The following EPB41L4A variants were observed in gnomAD, a reference collection of about 807,000 sequenced individuals.
The protein encoded by EPB41L4A is band 4.1-like protein 4A.
EPB41L4A carries 100 observed loss-of-function variants against 108.6 expected under a neutral mutation model. That is an observed-to-expected ratio of 0.92 (90% CI 0.78 to 1.09). The LOEUF (loss-of-function observed/expected upper bound fraction) is 1.09. Ranked by LOEUF, EPB41L4A falls within the 50% of genes least tolerant of loss-of-function variation. The pLI, the probability that EPB41L4A is intolerant of heterozygous loss-of-function variation, is 0.00. For missense variants in EPB41L4A, 1,030 were observed against 842.7 expected, an observed-to-expected ratio of 1.22 and a Z score of -2.75; for synonymous variants, 319 against 289.0, an observed-to-expected ratio of 1.10 and a Z score of -1.05.
At chr5:112,206,749 A>G (rs1333782131) in intron 13 of EPB41L4A, among the ~76,000 whole-genome samples, 2 of 152,218 alleles carry the variant, frequency 1.3e-5, no homozygotes, top group South Asian at 2.1e-4. Context: ...TTCACACCCT[A>G]AGGTATTTCT....
Position 112,311,821 on chromosome 5 carries a change from G to C in EPB41L4A, c.100-4331C>G, listed in dbSNP as rs576114493. ...TATTTCTGGAATGCTGGCATATGAA[G>C]ATAGTCTTCCATTTTGATCTAATCT... On this transcript the variant is annotated intron_variant, in intron 1 of 22. Transcript: ENST00000261486. Among the ~76,000 whole-genome samples the C allele has an allele frequency of 1.5e-3, 223 of 152,278 alleles. 3 individuals are homozygous for C. The highest frequency in any genetic ancestry group is 5.3e-3 in the African/African-American group (219 of 41,560).
At chr5:112,234,519 T>A in intron 12 of EPB41L4A, 115 bp downstream of exon 12, 1 of 962,814 alleles carries the variant, frequency 1.0e-6, no homozygotes, top group Non-Finnish European at 1.4e-6. Flanking sequence ...AATTTTAATA[T>A]TGGAAATTTC....
intron 12 of EPB41L4A, among the ~76,000 whole-genome samples, chr5:112,146,917 T>G (rs1481985582): frequency 6.6e-6 from 1 of 152,208 alleles, no homozygotes; most frequent in African/African-American, 2.4e-5. Context: ...GAGACTTTTA[T>G]TTAAAGAAAA....
intron 2 of EPB41L4A, among the ~76,000 whole-genome samples, chr5:112,295,263 T>C (rs1003368057): frequency 6.6e-6 from 1 of 152,204 alleles, no homozygotes; most frequent in Non-Finnish European, 1.5e-5. Context: ...TAGTTGGGAA[T>C]GACACCCAAG....
intron 12 of EPB41L4A, among the ~76,000 whole-genome samples, chr5:112,156,938 A>T (rs1347418547): frequency 6.6e-6 from 1 of 152,186 alleles, no homozygotes; most frequent in Non-Finnish European, 1.5e-5. Flanking sequence ...ACTATGTGCA[A>T]GAGAAAAGGG....
intron 18 of EPB41L4A, among the ~76,000 whole-genome samples, chr5:112,183,020 A>C (rs1475113985): frequency 1.3e-5 from 2 of 152,206 alleles, no homozygotes; most frequent in African/African-American, 4.8e-5. Flanking sequence ...ACACATATAC[A>C]CGGGGTTAAT....
At chr5:112,272,062 T>G (rs1475691780) in intron 4 of EPB41L4A, among the ~76,000 whole-genome samples, 1 of 152,096 alleles carries the variant, frequency 6.6e-6, no homozygotes, top group Non-Finnish European at 1.5e-5. Flanking sequence ...CCTACATCAG[T>G]GTCCTTCTGA....
At chr5:112,304,411 A>G (rs1754561922) in intron 2 of EPB41L4A, among the ~76,000 whole-genome samples, 1 of 152,200 alleles carries the variant, frequency 6.6e-6, no homozygotes, top group Non-Finnish European at 1.5e-5. Flanking sequence ...CTACATCCCC[A>G]AACACACCAG....
rs146948614 is a variant in EPB41L4A at position 112,181,187 on chromosome 5, C to T, written c.1622+2829G>A. On this transcript the variant is annotated intron_variant, in intron 18 of 22. Transcript: ENST00000261486. ...AAACATGTGGCCGGGCGTGGTGGCT[C>T]ATGCCTGTAACCCCAGCACTTTGGG... is the stretch of plus-strand genomic sequence containing the variant. Among the ~76,000 whole-genome samples, 281 of 151,662 alleles carry T rather than the reference C, an allele frequency of 1.9e-3. 1 individual carries two copies. The highest frequency in any genetic ancestry group is 6.3e-3 in the African/African-American group (260 of 41,332).
chr5:112,327,951 T>C (rs562874900), intron 1 of EPB41L4A, among the ~76,000 whole-genome samples: 4 of 152,166 alleles, frequency 2.6e-5, no homozygotes, highest in Non-Finnish European at 4.4e-5. Context: ...TTTGTTTCTG[T>C]TCATCCCTTT....
intron 12 of EPB41L4A, among the ~76,000 whole-genome samples, chr5:112,146,833 C>G (rs1337529972): frequency 1.3e-5 from 2 of 152,160 alleles, no homozygotes; most frequent in Admixed American, 1.3e-4. Context: ...TCTTACCACT[C>G]AAAGATGTTT....
chr5:112,282,061 G>T (rs1271483209), intron 2 of EPB41L4A, among the ~76,000 whole-genome samples: 1 of 152,050 alleles, frequency 6.6e-6, no homozygotes, highest in East Asian at 1.9e-4. Context: ...TTTTTCAAAG[G>T]TCTAGAATCA....
At chr5:112,195,792 G>A in intron 15 of EPB41L4A, 84 bp from the exon 16 acceptor site, 1 of 1,185,984 alleles carries the variant, frequency 8.4e-7, no homozygotes, top group South Asian at 1.3e-5. Context: ...TTTCACTTCA[G>A]TTAACACATA....
chr5:112,343,761 AAGAG>A (rs555652332), intron 1 of EPB41L4A, among the ~76,000 whole-genome samples: 262 of 152,340 alleles, frequency 1.7e-3, no homozygotes, highest in South Asian at 4.2e-3. Flanking sequence ...AATAAATAGC[AAGAG>A]AGAGAGAAAA....
chr5:112,361,318 C>T (rs1235882521), intron 1 of EPB41L4A, among the ~76,000 whole-genome samples: 1 of 152,150 alleles, frequency 6.6e-6, no homozygotes, highest in East Asian at 1.9e-4. Flanking sequence ...TGCTTGAAGG[C>T]AGCATGCTCG....
intron 12 of EPB41L4A, among the ~76,000 whole-genome samples, chr5:112,157,172 A>C (rs949206521): frequency 1.3e-5 from 2 of 152,016 alleles, no homozygotes; most frequent in Non-Finnish European, 2.9e-5. Context: ...AACCTGATCT[A>C]TGATGATGGT....
At chr5:112,254,282 T>C (rs539097516) in intron 9 of EPB41L4A, among the ~76,000 whole-genome samples, 15 of 152,286 alleles carry the variant, frequency 9.8e-5, no homozygotes, top group South Asian at 6.2e-4. Context: ...CACAAAAACA[T>C]TGAATCTGCT....
intron 2 of EPB41L4A, among the ~76,000 whole-genome samples, chr5:112,293,272 T>A (rs1372599200): frequency 2.0e-5 from 3 of 151,508 alleles, no homozygotes; most frequent in Non-Finnish European, 4.4e-5. Context: ...ATACAGGTAA[T>A]CTCGTGTCAT....
At chr5:112,333,902 G>A (rs1019143051) in intron 1 of EPB41L4A, among the ~76,000 whole-genome samples, 1 of 152,124 alleles carries the variant, frequency 6.6e-6, no homozygotes, top group African/African-American at 2.4e-5. Context: ...TCATCTAAAG[G>A]ACTGCAGTAT....
Sources: allele counts gnomAD v4.1 joint callset (sites outside exome capture counted in the v4.1 genomes callset), GRCh38; gene constraint gnomAD v4.1.1; transcripts MANE v1.5; gene names NCBI Gene and HGNC (gene_info 2026-07-23, HGNC 2026-07-21).